Variants in IPO9 observed in about 807,000 individuals in gnomAD.
The protein encoded by IPO9 is importin-9.
A neutral mutation model predicts 128.6 loss-of-function variants in IPO9; 28 were observed. The ratio of observed to expected loss-of-function variants is 0.22; its 90% confidence interval spans 0.16 to 0.30. The LOEUF (loss-of-function observed/expected upper bound fraction) is 0.30, where lower values mean the gene tolerates loss of function less well. IPO9 is among the 10% of genes least tolerant of loss of function. The pLI is 1.00. For missense variants in IPO9, 935 were observed against 1,293.9 expected (o/e 0.72, Z 4.26); for synonymous variants, 455 against 475.8 (o/e 0.96, Z 0.57).
At position 201,880,656 on chromosome 1, in the gene IPO9, C is replaced by G. The variant is rs1166482560; in HGVS notation, c.*4602C>G. 6.6e-6 allele frequency: 1 copy of G among 152,238 alleles called. No individual in the cohort carries two copies. The highest frequency in any genetic ancestry group is 2.4e-5 in the African/African-American group (1 of 41,454). The allele number at this position is 152,238 out of a possible 1,614,324, so 9.4% of individuals were successfully genotyped here. A position where few individuals can be genotyped will look rare whatever the true frequency, so the allele number is the denominator to read the frequency against. On this transcript the variant is annotated 3_prime_UTR_variant, in exon 24 of 24. Transcript: ENST00000361565. ...GAACTATGAACCTCTATTAGATATG[C>G]AAGGCCGGTGCTAAATGCTGGAGGG... is the stretch of plus-strand genomic sequence containing the variant.
rs567760255 is a variant in IPO9 at position 201,865,690 on chromosome 1, T to C, written c.1629-1043T>C. On this transcript the variant is annotated intron_variant, in intron 14 of 23. Coordinates refer to ENST00000361565, the MANE Select transcript of IPO9 (RefSeq NM_018085.5). ...TGATTGACAAATAATTATACTTGTTTCACATTTTTCAACTCAAATTTATGT... is the reference window on the plus strand; with the variant it reads ...TGATTGACAAATAATTATACTTGTTCCACATTTTTCAACTCAAATTTATGT... Among the ~76,000 whole-genome samples the C allele has an allele frequency of 1.3e-3, 205 of 152,344 alleles. 1 individual carries two copies. The highest frequency in any genetic ancestry group is 4.6e-3 in the African/African-American group (191 of 41,576).
intron 3 of IPO9, 71 bp from the exon 4 acceptor site, chr1:201,848,322 C>A: frequency 7.7e-7 from 1 of 1,303,276 alleles, no homozygotes; most frequent in Non-Finnish European, 1.1e-6. Context: ...CAACACAGTT[C>A]CCAATTGAAC....
chr1:201,853,981 C>G (rs1680272686), intron 6 of IPO9, among the ~76,000 whole-genome samples: 1 of 152,130 alleles, frequency 6.6e-6, no homozygotes, highest in Non-Finnish European at 1.5e-5. Flanking sequence ...CGTGATCCAC[C>G]CACCTCGGCC....
In IPO9 at chr1:201,868,609, A is replaced by G. The variant is rs368541210; in HGVS notation, c.1856-39A>G. 5.0e-5 allele frequency: 79 copies of G among 1,589,454 alleles called. 1 individual carries two copies. The highest frequency in any genetic ancestry group is 5.8e-5 in the Non-Finnish European group (67 of 1,164,690). ...ATTAAGCGAGAAGCAGATGCAGACC[A>G]TCAGGCAGGGGGATTCCGTGTTGCC... On this transcript the variant is annotated intron_variant, in intron 15 of 23. Coordinates refer to ENST00000361565, the MANE Select transcript of IPO9 (RefSeq NM_018085.5).
chr1:201,867,141 A>G (rs1421285868), intron 15 of IPO9, among the ~76,000 whole-genome samples, 182 bp downstream of exon 15: 2 of 152,250 alleles, frequency 1.3e-5, no homozygotes, highest in African/African-American at 4.8e-5. Context: ...TAGCAGCATT[A>G]AAAAATAGAG....
intron 3 of IPO9, among the ~76,000 whole-genome samples, 170 bp downstream of exon 3, chr1:201,847,808 G>A (rs1212891614): frequency 6.6e-6 from 1 of 152,166 alleles, no homozygotes; most frequent in Non-Finnish European, 1.5e-5. Flanking sequence ...TCAAGTATCA[G>A]GCTGGTCTGT....
rs1195621464 is a variant in IPO9 at position 201,840,683 on chromosome 1, A to C, written c.164-6596A>C. 2.0e-5 allele frequency among the ~76,000 whole-genome samples: 3 copies of C among 152,208 alleles called. No individual in the cohort carries two copies. In the East Asian group the frequency reaches 5.8e-4, roughly 29 times the overall value. On this transcript the variant is annotated intron_variant, in intron 1 of 23. Coordinates refer to ENST00000361565, the MANE Select transcript of IPO9 (RefSeq NM_018085.5). ...CACGAATAACATATGGTATATCTACATATATTATGCAGCTGTAGAGAAGAA... is the reference window on the plus strand; with the variant it reads ...CACGAATAACATATGGTATATCTACCTATATTATGCAGCTGTAGAGAAGAA...
At chr1:201,834,182 G>T (rs1331568321) in intron 1 of IPO9, among the ~76,000 whole-genome samples, 1 of 120,014 alleles carries the variant, frequency 8.3e-6, no homozygotes, top group Non-Finnish European at 1.7e-5. Context: ...TTTTTTATTC[G>T]TTAGAGTAAA....
In IPO9 at chr1:201,869,698, G is replaced by C. The variant is rs1394500464; in HGVS notation, c.2113G>C (p.Asp705His). 3 of 1,614,128 alleles carry C rather than the reference G, an allele frequency of 1.9e-6. No individual in the cohort carries two copies. In the South Asian group the frequency reaches 3.3e-5, roughly 18 times the overall value. ...PAVAQCTLHTDDNATMQNGGE... is the reference protein window; with the variant it reads ...PAVAQCTLHTHDNATMQNGGE... ...TGTGGCACAGTGTACCCTTCACACA[G>C]ATGACAATGCCACCATGCAGGTATC... The change falls in exon 17 of 24, where the codon GAT becomes CAT. Residue 705 changes from aspartate (D) to histidine (H), a missense_variant. Transcript: ENST00000361565.
At chr1:201,857,315 A>T in intron 11 of IPO9, 121 bp downstream of exon 11, 1 of 663,366 alleles carries the variant, frequency 1.5e-6, no homozygotes, top group Admixed American at 2.4e-5. Context: ...CTCAGACTTT[A>T]TTGGGGATGC....
chr1:201,855,111 C>A lies in IPO9; in HGVS notation c.912-13C>A. The stretch of plus-strand genomic sequence containing the variant: ...GCAGACTCCAAATTCTATTTCTTTA[C>A]TCTTCATCATACTTATGTGAGGACA... On this transcript the variant is annotated splice_polypyrimidine_tract_variant and intron_variant, in intron 8 of 23. Transcript: ENST00000361565. 6.4e-7 allele frequency: 1 copy of A among 1,554,046 alleles called. No individual in the cohort carries two copies. Among genetic ancestry groups the A allele is most frequent in the Non-Finnish European group, 8.9e-7 (1 of 1,129,934 alleles).
Position 201,829,266 on chromosome 1 carries a change from A to G in IPO9, c.57A>G (p.Gln19=). Residue 19 remains glutamine (Q), a synonymous_variant, in exon 1 of 24, where the codon CAA becomes CAG. Coordinates refer to ENST00000361565, the MANE Select transcript of IPO9 (RefSeq NM_018085.5). ...CCGGGCTGCCGGGTCCAGTGGCACA[A>G]GGATTAAAGGAAGCGTTAGTGGATA... The part of the protein sequence containing the change: ...AASGLPGPVA[Q]GLKEALVDTL... The G allele has an allele frequency of 2.5e-6, 4 of 1,593,504 alleles. No individual in the cohort carries two copies. Among genetic ancestry groups the G allele is most frequent in the Non-Finnish European group, 3.4e-6 (4 of 1,172,086 alleles).
intron 1 of IPO9, chr1:201,835,101 G>A (rs891352179): frequency 1.3e-5 from 2 of 152,244 alleles, no homozygotes; most frequent in African/African-American, 4.8e-5. Context: ...TTCAGCTGTG[G>A]TTTTGTGGTG....
rs765082203 is a variant in IPO9, at chr1:201,870,796, G to A, written c.2347G>A (p.Asp783Asn). The A allele has an allele frequency of 6.2e-7, 1 of 1,614,184 alleles. No individual in the cohort carries two copies. Among genetic ancestry groups the A allele is most frequent in the Non-Finnish European group, 8.5e-7 (1 of 1,180,042 alleles). The change falls in exon 18 of 24, where the codon GAC becomes AAC. Residue 783 changes from aspartate to asparagine, a missense_variant. Transcript: ENST00000361565. This position sits in a 1 kb window ranked among gnomAD's most constrained non-coding sequence, Gnocchi z 4.9. The stretch of plus-strand genomic sequence containing the variant: ...AGGGCGGGAACTCGGGGAGAATCTA[G>A]ACCAGATTCTTCGTGCCATCCTCAG... ...KAGRELGENLDQILRAILSKM... is the reference protein window; with the variant it reads ...KAGRELGENLNQILRAILSKM...
At chr1:201,872,702 C>T in intron 19 of IPO9, 126 bp from the exon 20 acceptor site, 1 of 1,068,138 alleles carries the variant, frequency 9.4e-7, no homozygotes, top group South Asian at 1.7e-5. Context: ...TCTCTTAGCT[C>T]TCCTAATTAG....
At chr1:201,836,746 TC>T (rs1369126342) in intron 1 of IPO9, among the ~76,000 whole-genome samples, 6 of 152,206 alleles carry the variant, frequency 3.9e-5, no homozygotes, top group Admixed American at 2.6e-4. Flanking sequence ...TTTTGTATTT[TC>T]CCTCTTTCAT....
chr1:201,847,217 G>A (rs1680137983), intron 1 of IPO9, 62 bp from the exon 2 acceptor site: 3 of 1,207,572 alleles, frequency 2.5e-6, no homozygotes, highest in Non-Finnish European at 3.7e-6. Context: ...CAGGGTTAGA[G>A]CTTAGTAAAT....
At chr1:201,853,541 AT>A (rs532975224) in intron 6 of IPO9, among the ~76,000 whole-genome samples, 1 of 143,434 alleles carries the variant, frequency 7.0e-6, no homozygotes, top group Non-Finnish European at 1.5e-5. Flanking sequence ...CTATATTTGT[AT>A]TTTTTTTATT....
intron 1 of IPO9, among the ~76,000 whole-genome samples, chr1:201,831,708 C>T (rs1477622094): frequency 6.6e-6 from 1 of 152,134 alleles, no homozygotes; most frequent in African/African-American, 2.4e-5. Context: ...CTCAACCCTT[C>T]TTTACATGAA....
Sources: allele counts gnomAD v4.1 joint callset (sites outside exome capture counted in the v4.1 genomes callset), GRCh38; gene constraint gnomAD v4.1.1; non-coding constraint Gnocchi (gnomAD v3.1); transcripts MANE v1.5; gene names NCBI Gene and HGNC (gene_info 2026-07-23, HGNC 2026-07-21).